CDKL3: variants seen among roughly 807,000 people sequenced by gnomAD.
CDKL3 encodes the protein cyclin-dependent kinase-like 3.
In CDKL3, 65 loss-of-function variants were observed where a neutral mutation model predicts 69.3. That is an observed-to-expected ratio of 0.94 (90% confidence interval 0.77 to 1.15). The LOEUF (loss-of-function observed/expected upper bound fraction) is 1.15. CDKL3 is among the 50% of genes most tolerant of loss of function. The pLI is 0.00. For missense variants in CDKL3, 652 were observed against 689.2 expected (o/e 0.95, Z 0.61); for synonymous variants, 202 against 221.6 (o/e 0.91, Z 0.79).
chr5:134,369,706 GACTATTGGTGTGCGCC>G (rs1051126866), upstream of CDKL3, among the ~76,000 whole-genome samples: 3 of 152,090 alleles, frequency 2.0e-5, no homozygotes, highest in African/African-American at 7.2e-5. Flanking sequence ...GAGTTGCTGG[GACTATTGGTGTGCGCC>G]ACCATGCCTG....
At chr5:134,361,843 G>A (rs963450576) in intron 2 of CDKL3, among the ~76,000 whole-genome samples, 4 of 152,226 alleles carry the variant, frequency 2.6e-5, no homozygotes, top group African/African-American at 9.6e-5. Flanking sequence ...GGTGGAGGTT[G>A]CAGTGAGCCG....
At chr5:134,368,864 T>TC (rs1470643009), upstream of CDKL3, among the ~76,000 whole-genome samples, 1 of 151,730 alleles carries the variant, frequency 6.6e-6, no homozygotes, top group African/African-American at 2.4e-5. Flanking sequence ...AGGGCAAAAC[T>TC]CCATCTCTAC....
chr5:134,304,338 GTTATA>G (rs1767168349), intron 11 of CDKL3, 62 bp downstream of exon 11: 1 of 1,276,292 alleles, frequency 7.8e-7, no homozygotes. Context: ...TAAAATGTAA[GTTATA>G]TTATGAAAAA....
At chr5:134,368,155 C>T (rs1426392638), upstream of CDKL3, among the ~76,000 whole-genome samples, 1 of 152,250 alleles carries the variant, frequency 6.6e-6, no homozygotes, top group African/African-American at 2.4e-5. Flanking sequence ...CCCACCTCCA[C>T]ACCCCTGCCC....
intron 8 of CDKL3, among the ~76,000 whole-genome samples, chr5:134,292,705 TA>T (rs1281125810): frequency 1.3e-5 from 2 of 151,096 alleles, no homozygotes; most frequent in African/African-American, 2.4e-5. Context: ...GACTTACTAA[TA>T]AAAAAAAGGA....
At chr5:134,292,413 A>C (rs1476114081) in intron 8 of CDKL3, among the ~76,000 whole-genome samples, 1 of 152,196 alleles carries the variant, frequency 6.6e-6, no homozygotes, top group African/African-American at 2.4e-5. Flanking sequence ...AAATACTTTC[A>C]CTGATGATAG....
In CDKL3 at chr5:134,366,496, C is replaced by T; in HGVS notation, c.28G>A (p.Val10Met). The T allele has an allele frequency of 6.2e-7, 1 of 1,608,234 alleles. No individual in the cohort carries two copies. The highest frequency in any genetic ancestry group is 8.5e-7 in the Non-Finnish European group (1 of 1,177,596). MEMYETLGK[V>M]GEGSYGTVMK... ...ACTGTTCCGTAACTTCCCTCTCCCA[C>T]TTTTCCAAGGGTTTCATACATCTCC... The change falls in exon 2 of 13, where the codon GTG becomes ATG. Residue 10 changes from valine (V) to methionine (M), a missense_variant. Transcript: ENST00000265334.
intron 12 of CDKL3, among the ~76,000 whole-genome samples, chr5:134,300,339 A>G (rs1195712436): frequency 6.6e-6 from 1 of 151,382 alleles, no homozygotes; most frequent in Non-Finnish European, 1.5e-5. Flanking sequence ...ACTCTGTCTC[A>G]ATAAATAAAT....
intron 2 of CDKL3, 95 bp downstream of exon 2, chr5:134,366,264 G>T (rs966010277): frequency 1.3e-6 from 1 of 785,356 alleles, no homozygotes; most frequent in South Asian, 2.0e-5. Flanking sequence ...TCCATAATAT[G>T]AATCAGTACG....
intron 4 of CDKL3, among the ~76,000 whole-genome samples, chr5:134,323,620 A>T (rs185454582): frequency 2.1e-4 from 32 of 152,158 alleles, no homozygotes; most frequent in Admixed American, 1.1e-3. Flanking sequence ...ATAATAAGAT[A>T]AAAAAAAGAC....
intron 2 of CDKL3, among the ~76,000 whole-genome samples, chr5:134,365,306 G>A (rs1313001295): frequency 6.7e-6 from 1 of 149,796 alleles, no homozygotes; most frequent in African/African-American, 2.5e-5. Context: ...TTTTAGTAGA[G>A]ACGGGGTTTC....
chr5:134,345,589 T>C (rs991861508), intron 4 of CDKL3, among the ~76,000 whole-genome samples: 1 of 152,122 alleles, frequency 6.6e-6, no homozygotes, highest in Non-Finnish European at 1.5e-5. Flanking sequence ...GGGGTGGGGC[T>C]GTTTTATGTG....
intron 4 of CDKL3, among the ~76,000 whole-genome samples, chr5:134,328,020 AGT>A (rs1456783189): frequency 1.3e-5 from 2 of 152,194 alleles, no homozygotes; most frequent in Non-Finnish European, 1.5e-5. Context: ...AGCAAATAAC[AGT>A]AACAAGTCCC....
chr5:134,312,173 A>C lies in CDKL3; in HGVS notation c.881+119T>G, dbSNP rs768591522. 1.7e-4 allele frequency: 115 copies of C among 659,002 alleles called. 1 individual carries two copies. The highest frequency in any genetic ancestry group is 3.2e-5 in the Non-Finnish European group (12 of 371,534). The allele number at this position is 659,002 out of a possible 1,614,324, so 40.8% of individuals were successfully genotyped here. On this transcript the variant is annotated intron_variant, in intron 7 of 12. Transcript: ENST00000265334. ...CAATACCTGATACAATAACTCAATA[A>C]ATTTTTGTTAAACTGAATATTTGTT... is the stretch of plus-strand genomic sequence containing the variant.
upstream of CDKL3, among the ~76,000 whole-genome samples, chr5:134,369,537 A>C (rs1487456342): frequency 6.6e-6 from 1 of 152,160 alleles, no homozygotes; most frequent in Non-Finnish European, 1.5e-5. Context: ...TCAAACCCTG[A>C]ATTCTGTCTC....
intron 3 of CDKL3, among the ~76,000 whole-genome samples, chr5:134,352,340 G>A (rs1193087482): frequency 6.8e-6 from 1 of 146,758 alleles, no homozygotes; most frequent in African/African-American, 2.5e-5. Context: ...TTGCTCTGTC[G>A]CCCAGGCTAG....
chr5:134,365,529 T>C (rs759118807), intron 2 of CDKL3, among the ~76,000 whole-genome samples: 26 of 152,180 alleles, frequency 1.7e-4, no homozygotes, highest in Admixed American at 1.5e-3. Flanking sequence ...AATTCCTTAA[T>C]TGAACTCCTA....
In CDKL3 at chr5:134,342,671, A is replaced by T. The variant is rs141592500; in HGVS notation, c.539+7578T>A. Among the ~76,000 whole-genome samples the T allele has an allele frequency of 1.5e-3, 228 of 152,320 alleles. 3 individuals are homozygous for T. The highest frequency in any genetic ancestry group is 4.9e-3 in the African/African-American group (204 of 41,578). On this transcript the variant is annotated intron_variant, in intron 4 of 12. Coordinates refer to ENST00000265334, the MANE Select transcript of CDKL3 (RefSeq NM_001113575.2). Reference sequence around the variant, plus strand: ...ATAAATGGCAAAACATTCTAAATTCACAGATTAGAATAAGAGTTAACATTT... The same window carrying T: ...ATAAATGGCAAAACATTCTAAATTCTCAGATTAGAATAAGAGTTAACATTT...
intron 4 of CDKL3, among the ~76,000 whole-genome samples, chr5:134,343,306 C>G (rs1750994631): frequency 6.6e-6 from 1 of 152,156 alleles, no homozygotes; most frequent in African/African-American, 2.4e-5. Context: ...ATGAAACCAC[C>G]TTTGCAAAAT....
Sources: allele counts gnomAD v4.1 joint callset (sites outside exome capture counted in the v4.1 genomes callset), GRCh38; gene constraint gnomAD v4.1.1; transcripts MANE v1.5; gene names NCBI Gene and HGNC (gene_info 2026-07-23, HGNC 2026-07-21).